Variants in USP31 observed in about 807,000 individuals in gnomAD.
USP31 encodes the protein ubiquitin carboxyl-terminal hydrolase 31.
USP31 carries 44 observed loss-of-function variants against 119.4 expected under a neutral mutation model. The observed-to-expected ratio is 0.37, with a 90% confidence interval of 0.29 to 0.47. USP31 has a LOEUF of 0.47. Ranked by LOEUF, USP31 falls within the 20% of genes least tolerant of loss-of-function variation. USP31 has a pLI of 0.99. For missense variants in USP31, 1,643 were observed against 1,730.2 expected, an observed-to-expected ratio of 0.95 and a Z score of 0.89; for synonymous variants, 749 against 705.6, an observed-to-expected ratio of 1.06 and a Z score of -0.97.
At chr16:23,111,228 A>G (rs955874477) in intron 1 of USP31, among the ~76,000 whole-genome samples, 3 of 152,206 alleles carry the variant, frequency 2.0e-5, no homozygotes, top group African/African-American at 4.8e-5. Context: ...CAAACTAAAG[A>G]GGCAAGAAAT....
At position 23,069,323 on chromosome 16, in the gene USP31, T is replaced by C; in HGVS notation, c.2782A>G (p.Ser928Gly). The change falls in exon 16 of 16, where the codon AGT becomes GGT. Residue 928 changes from serine (S) to glycine (G), a missense_variant. Ser to Gly is a moderately conservative substitution (Grantham distance 56, BLOSUM62 0). Around this residue, in one of 5 missense-constraint regions of USP31, gnomAD observed 699 missense variants for 650.9 expected, o/e 1.07. Coordinates refer to ENST00000219689, the MANE Select transcript of USP31 (RefSeq NM_020718.4). The stretch of plus-strand genomic sequence containing the variant: ...GCCTTGTGCTCACGGCGACTATGAC[T>C]GTCGCTTGGTTCCTGGTAACTGCTA... ...LSSSYQEPSD[S>G]HSRREHKAVG... 3 of 1,603,492 alleles carry C rather than the reference T, an allele frequency of 1.9e-6. No homozygotes were observed. Among genetic ancestry groups the C allele is most frequent in the South Asian group, 2.2e-5 (2 of 89,260 alleles).
At chr16:23,078,309 G>A (rs1596688337) in intron 13 of USP31, among the ~76,000 whole-genome samples, 2 of 75,736 alleles carry the variant, frequency 2.6e-5, no homozygotes, top group Non-Finnish European at 5.2e-5. Flanking sequence ...AGACTCCGTC[G>A]CAAAAAAAAA....
Position 23,148,954 on chromosome 16 carries a change from G to A in USP31, c.317C>T (p.Pro106Leu). 1 of 1,038,460 alleles carries A rather than the reference G, an allele frequency of 9.6e-7. No individual in the cohort carries two copies. 64.3% of individuals were successfully genotyped at this position (1,038,460 alleles called of 1,614,324 possible). ...GGGAGAGGCGGGCGGCGGCGGGCAC[G>A]GCGGCGGCGTGGGCGCGGCGGCCGG... is the stretch of plus-strand genomic sequence containing the variant. Reference protein sequence around the residue: ...PGPAAAPTPPPCPPPPASPAP... With the variant: ...PGPAAAPTPPLCPPPPASPAP... Residue 106 changes from proline to leucine, a missense_variant, in exon 1 of 16, where the codon CCG becomes CTG. Coordinates refer to ENST00000219689, the MANE Select transcript of USP31 (RefSeq NM_020718.4).
rs566732624 is a variant in USP31 at position 23,068,803 on chromosome 16, G to T, written c.3302C>A (p.Pro1101Gln). The stretch of plus-strand genomic sequence containing the variant: ...AGATGACACGGAGTCCTGAGATTTC[G>T]GGGATGACTCCTTTTTGGGTTGGGC... ...APAQPKKESS[P>Q]KSQDSVSSPS... Residue 1101 changes from proline to glutamine, a missense_variant, in exon 16 of 16, where the codon CCG (proline) becomes CAG (glutamine). By Grantham distance (76) the Pro-to-Gln change is moderately conservative (BLOSUM62 -1). This residue lies in a region of USP31 where 699 missense variants were observed against 650.9 expected (regional missense o/e 1.07). Transcript: ENST00000219689. 6.4e-7 allele frequency: 1 copy of T among 1,557,856 alleles called. No individual in the cohort carries two copies. The highest frequency in any genetic ancestry group is 8.7e-7 in the Non-Finnish European group (1 of 1,155,078).
chr16:23,076,814 G>A (rs1054520051), intron 13 of USP31, among the ~76,000 whole-genome samples: 4 of 152,174 alleles, frequency 2.6e-5, no homozygotes, highest in Non-Finnish European at 4.4e-5. Context: ...GCTGGTGAAC[G>A]CCAATCAAGG....
At chr16:23,087,880 C>T in intron 7 of USP31, 45 bp from the exon 8 acceptor site, 1 of 1,479,942 alleles carries the variant, frequency 6.8e-7, no homozygotes, top group South Asian at 1.1e-5. Context: ...TACGGTAATT[C>T]CTTTAACACT....
At chr16:23,088,857 T>A (rs1485964201) in intron 7 of USP31, among the ~76,000 whole-genome samples, 1 of 152,204 alleles carries the variant, frequency 6.6e-6, no homozygotes, top group East Asian at 1.9e-4. Context: ...AATAGATGAA[T>A]GAATGAATGA....
chr16:23,103,929 T>C (rs1901987577), intron 5 of USP31, among the ~76,000 whole-genome samples: 1 of 152,070 alleles, frequency 6.6e-6, no homozygotes, highest in Non-Finnish European at 1.5e-5. Flanking sequence ...AATCCATACA[T>C]ACATACATAC....
In USP31 at chr16:23,072,152, G is replaced by T; in HGVS notation, c.2381C>A (p.Pro794Gln). 1 of 1,611,198 alleles carries T rather than the reference G, an allele frequency of 6.2e-7. No homozygotes were observed. Among genetic ancestry groups the T allele is most frequent in the East Asian group, 2.2e-5 (1 of 44,880 alleles). ...SLCEHWVSRL[P>Q]GSKPASVTSA... Reference sequence around the variant, plus strand: ...GGTCACGCTGGCTGGCTTGCTGCCCGGGAGCCGGCTCACCCAGTGTTCACA... The same window carrying T: ...GGTCACGCTGGCTGGCTTGCTGCCCTGGAGCCGGCTCACCCAGTGTTCACA... Residue 794 changes from proline to glutamine, a missense_variant, in exon 15 of 16, where the codon CCG becomes CAG. By Grantham distance (76) the Pro-to-Gln change is moderately conservative. This residue lies in a region of USP31 where 279 missense variants were observed against 372.2 expected (regional missense o/e 0.75). Transcript: ENST00000219689.
rs753030739 is a variant in USP31, at chr16:23,119,191, C to G, written c.634-11008G>C. Among the ~76,000 whole-genome samples the G allele has an allele frequency of 2.0e-5, 3 of 151,416 alleles. No individual in the cohort carries two copies. The East Asian group carries it at 6.0e-4, about 30-fold the overall frequency. ...TCAGCTCACTGCGACCTCCGCCTCC[C>G]GAGTTCAAGCGATTCTTCTGCCTCA... On this transcript the variant is annotated intron_variant, in intron 1 of 15. Transcript: ENST00000219689.
chr16:23,077,967 GA>G (rs1382339598), intron 13 of USP31, among the ~76,000 whole-genome samples: 6 of 152,148 alleles, frequency 3.9e-5, no homozygotes, highest in Non-Finnish European at 8.8e-5. Context: ...CAGCAATGGG[GA>G]AGGGTTAGAT....
Position 23,062,653 on chromosome 16 carries a change from G to A in USP31, c.*5393C>T, listed in dbSNP as rs1387518990. The A allele has an allele frequency of 2.0e-5, 3 of 152,418 alleles. No individual in the cohort carries two copies. The highest frequency in any genetic ancestry group is 7.2e-5 in the African/African-American group (3 of 41,430). 9.4% of individuals were successfully genotyped at this position (152,418 alleles called of 1,614,324 possible). ...TTCCCTATTCCCCCACGGGCCTGGGGAAAAGGTTCTGGGGACAGATGCAAA... is the reference window on the plus strand; with the variant it reads ...TTCCCTATTCCCCCACGGGCCTGGGAAAAAGGTTCTGGGGACAGATGCAAA... On this transcript the variant is annotated 3_prime_UTR_variant, in exon 16 of 16. Transcript: ENST00000219689.
At chr16:23,115,819 A>AT in intron 1 of USP31, 1 of 975,046 alleles carries the variant, frequency 1.0e-6, no homozygotes, top group South Asian at 4.8e-5. Context: ...GAATGTTTTT[A>AT]TTTTTTTCCC....
At chr16:23,096,990 T>A (rs2141861007) in intron 6 of USP31, among the ~76,000 whole-genome samples, 1 of 151,090 alleles carries the variant, frequency 6.6e-6, no homozygotes, top group East Asian at 2.0e-4. Context: ...ATAACTAAGA[T>A]CAGAGGAGAA....
At position 23,068,253 on chromosome 16, in the gene USP31, A is replaced by G. The variant is rs777228212; in HGVS notation, c.3852T>C (p.Asn1284=). ...GCTGCTCTTTTCCCGTTGTATTTGC[A>G]TTTGGCTGCTGGGAAGCTGGAGGCT... ...GHQPPASQQP[N]ANTTGKEQLV... is the part of the protein sequence containing the mutation. The change falls in exon 16 of 16, where the codon AAT becomes AAC. Residue 1284 remains asparagine, a synonymous_variant. Transcript: ENST00000219689. The G allele has an allele frequency of 6.4e-5, 103 of 1,613,982 alleles. 1 individual carries two copies. Among genetic ancestry groups the G allele is most frequent in the Non-Finnish European group, 1.7e-6 (2 of 1,179,984 alleles).
chr16:23,141,017 A>T (rs1903337802), intron 1 of USP31, among the ~76,000 whole-genome samples: 1 of 152,044 alleles, frequency 6.6e-6, no homozygotes, highest in Non-Finnish European at 1.5e-5. Context: ...CCTCCATTCT[A>T]CTCACTATTC....
intron 1 of USP31, among the ~76,000 whole-genome samples, chr16:23,135,502 A>T (rs2141899412): frequency 6.6e-6 from 1 of 152,344 alleles, no homozygotes; most frequent in East Asian, 1.9e-4. Flanking sequence ...GCAGGATACA[A>T]AATCAACATG....
At position 23,080,012 on chromosome 16, in the gene USP31, C is replaced by T. The variant is rs974949645; in HGVS notation, c.2110G>A (p.Asp704Asn). The change falls in exon 13 of 16, where the codon GAC becomes AAC. Residue 704 changes from aspartate to asparagine, a missense_variant. Coordinates refer to ENST00000219689, the MANE Select transcript of USP31 (RefSeq NM_020718.4). ...RPYGLGRDPE[D>N]YIYDLYAVCN... ...ACAGCATACAGGTCATAGATGTAGT[C>T]CTCAGGGTCCCTCCCGAGTCCATAG... 1 of 1,613,986 alleles carries T rather than the reference C, an allele frequency of 6.2e-7. No homozygotes were observed. Among genetic ancestry groups the T allele is most frequent in the African/African-American group, 1.3e-5 (1 of 74,884 alleles).
At position 23,067,818 on chromosome 16, in the gene USP31, C is replaced by CA; in HGVS notation, c.*227dup. 1 of 478,822 alleles carries CA rather than the reference C, an allele frequency of 2.1e-6. No homozygotes were observed. The highest frequency in any genetic ancestry group is 3.6e-6 in the Non-Finnish European group (1 of 278,848). The allele number at this position is 478,822 out of a possible 1,614,324, so 29.7% of individuals were successfully genotyped here. A position where few individuals can be genotyped will look rare whatever the true frequency, so the allele number is the denominator to read the frequency against. On this transcript the variant is annotated 3_prime_UTR_variant, in exon 16 of 16. Coordinates refer to ENST00000219689, the MANE Select transcript of USP31 (RefSeq NM_020718.4). Reference sequence around the variant, plus strand: ...ACAATTATTCCAGTTAGCTTGGTGTCAATGTTTTGCCTATGGCTGTTATTT... The same window carrying CA: ...ACAATTATTCCAGTTAGCTTGGTGTCAAATGTTTTGCCTATGGCTGTTATTT...
Sources: allele counts gnomAD v4.1 joint callset (sites outside exome capture counted in the v4.1 genomes callset), GRCh38; gene constraint gnomAD v4.1.1; regional missense constraint gnomAD v4.1.1; transcripts MANE v1.5; gene names NCBI Gene and HGNC (gene_info 2026-07-23, HGNC 2026-07-21).